Variants in ABHD12B observed in about 807,000 individuals in gnomAD.
ABHD12B encodes protein ABHD12B.
Under a neutral mutation model 50.4 loss-of-function variants are expected in ABHD12B, and 42 were observed. The observed-to-expected ratio is 0.83, with a 90% CI of 0.65 to 1.08. ABHD12B has a LOEUF of 1.08. Ranked by LOEUF, ABHD12B falls within the 50% of genes least tolerant of loss-of-function variation. The pLI is 0.00. For missense variants in ABHD12B, 479 were observed against 447.7 expected, an observed-to-expected ratio of 1.07 and a Z score of -0.63; for synonymous variants, 167 against 160.3, an observed-to-expected ratio of 1.04 and a Z score of -0.32.
chr14:50,877,397 TGGGGCTACA>T (rs1163918502), intron 1 of ABHD12B, among the ~76,000 whole-genome samples: 2 of 152,172 alleles, frequency 1.3e-5, no homozygotes, highest in African/African-American at 4.8e-5. Flanking sequence ...CAGCCTTCTA[TGGGGCTACA>T]GTAAGGGACC....
At chr14:50,880,350 A>C in intron 3 of ABHD12B, 102 bp from the exon 4 acceptor site, 1 of 1,221,648 alleles carries the variant, frequency 8.2e-7, no homozygotes, top group Non-Finnish European at 1.1e-6. Flanking sequence ...GTCGGATAAA[A>C]AATTAAAATA....
At chr14:50,882,728 G>A (rs8006072) in intron 5 of ABHD12B, among the ~76,000 whole-genome samples, 135,424 of 151,858 alleles carry the variant, frequency 0.89, 60,667 homozygotes, top group Middle Eastern at 0.98. Flanking sequence ...AGTGGTTCAC[G>A]CTTGCAGTAC....
At position 50,875,216 on chromosome 14, in the gene ABHD12B, C is replaced by G. The variant is rs188127654; in HGVS notation, c.105-2736C>G. Among the ~76,000 whole-genome samples, 219 of 152,272 alleles carry G rather than the reference C, an allele frequency of 1.4e-3. 1 individual carries two copies. The highest frequency in any genetic ancestry group is 3.7e-4 in the Non-Finnish European group (25 of 68,024). On this transcript the variant is annotated intron_variant, in intron 1 of 12. Transcript: ENST00000337334. ...AGAGGAGAGGTCACCATGGAATGAT[C>G]TCTCCAGGAGACTTTGACAAAAAAG...
Position 50,880,509 on chromosome 14 carries a change from T to A in ABHD12B, c.393T>A (p.Tyr131Ter), listed in dbSNP as rs768600574. 21 of 1,610,826 alleles carry A rather than the reference T, an allele frequency of 1.3e-5. No homozygotes were observed. The highest frequency in any genetic ancestry group is 1.8e-5 in the Non-Finnish European group (21 of 1,178,370). Residue 131 changes from tyrosine (Y) to a stop codon, truncating the protein, a stop_gained, in exon 4 of 13, where the codon TAT (tyrosine) becomes TAA (stop). Coordinates refer to ENST00000337334, the MANE Select transcript of ABHD12B (RefSeq NM_001206673.2). LOFTEE classifies it high-confidence loss of function. ...CCAAGGGGAAGGACTGTTGCTGGTA[T>A]GAAGCAGCCCTTCGTGATGGGAACC... ...EDAKGKDCCW[Y>*]EAALRDGNPI...
chr14:50,876,311 A>G (rs1288181205), intron 1 of ABHD12B, among the ~76,000 whole-genome samples: 1 of 152,222 alleles, frequency 6.6e-6, no homozygotes, highest in Non-Finnish European at 1.5e-5. Flanking sequence ...ACTGCTGGAA[A>G]TTCATCAGAG....
intron 9 of ABHD12B, chr14:50,895,689 G>C (rs1172543687): frequency 6.6e-6 from 1 of 152,152 alleles, no homozygotes; most frequent in Non-Finnish European, 1.5e-5. Context: ...GACCATCACA[G>C]ACGCCGAGCT....
At chr14:50,891,237 T>C (rs7140193) in intron 9 of ABHD12B, 146,308 of 152,018 alleles carry the variant, frequency 0.96, 70,590 homozygotes, top group Middle Eastern at 1. Flanking sequence ...TATGTCATGA[T>C]AAAGAGACGT....
rs574140832 is a variant in ABHD12B at position 50,877,958 on chromosome 14, T to C, written c.111T>C (p.Phe37=). Residue 37 remains phenylalanine, a synonymous_variant, in exon 2 of 13, where the codon TTT becomes TTC. Coordinates refer to ENST00000337334, the MANE Select transcript of ABHD12B (RefSeq NM_001206673.2). ...WDMVDRNLRY[F]PHSCSMLGRK... is the part of the protein sequence containing the mutation. ...GTTTCCCAATACCTTGCAGATATTTTCCACACTCCTGTTCAATGCTCGGAA... is the reference window on the plus strand; with the variant it reads ...GTTTCCCAATACCTTGCAGATATTTCCCACACTCCTGTTCAATGCTCGGAA... 1.2e-5 allele frequency: 18 copies of C among 1,520,826 alleles called. No individual in the cohort carries two copies. Among genetic ancestry groups the C allele is most frequent in the Non-Finnish European group, 1.6e-5 (18 of 1,141,228 alleles). 94.2% of individuals were successfully genotyped at this position (1,520,826 alleles called of 1,614,324 possible). A position where few individuals can be genotyped will look rare whatever the true frequency, so the allele number is the denominator to read the frequency against.
Position 50,878,095 on chromosome 14 carries a change from C to T in ABHD12B, c.232+16C>T, listed in dbSNP as rs922414750. On this transcript the variant is annotated intron_variant, in intron 2 of 12. Coordinates refer to ENST00000337334, the MANE Select transcript of ABHD12B (RefSeq NM_001206673.2). ...TTTAATTTTTGTAAGTATGGACCTT[C>T]CATAAATTTTCCTATATAATTTTTC... The T allele has an allele frequency of 2.5e-5, 38 of 1,501,930 alleles. No individual in the cohort carries two copies. Among genetic ancestry groups the T allele is most frequent in the Non-Finnish European group, 3.2e-5 (36 of 1,131,582 alleles). The allele number at this position is 1,501,930 out of a possible 1,614,324, so 93.0% of individuals were successfully genotyped here.
chr14:50,881,593 C>G lies in ABHD12B; in HGVS notation c.456-3C>G, dbSNP rs1289961299. 1 of 1,547,590 alleles carries G rather than the reference C, an allele frequency of 6.5e-7. No homozygotes were observed. The highest frequency in any genetic ancestry group is 8.8e-7 in the Non-Finnish European group (1 of 1,137,546). On this transcript the variant is annotated splice_polypyrimidine_tract_variant and splice_region_variant and intron_variant, in intron 4 of 12. Transcript: ENST00000337334. ...TTTTTTTTTTTTTAAACTTCCTTCA[C>G]AGGGCAGCTTCGCACAGACTGAAGC...
Position 50,904,449 on chromosome 14 carries a change from T to C in ABHD12B, c.*83T>C. 6.3e-7 allele frequency: 1 copy of C among 1,579,788 alleles called. No homozygotes were observed. Among genetic ancestry groups the C allele is most frequent in the Non-Finnish European group, 8.7e-7 (1 of 1,154,476 alleles). ...ATATTGTTCTAATGTAAAATTGTAC[T>C]GGGCTGGTCGGATGAGCTGAGGCCA... On this transcript the variant is annotated 3_prime_UTR_variant, in exon 13 of 13. Transcript: ENST00000337334.
At chr14:50,872,384 C>T (rs533733022) in intron 1 of ABHD12B, 106 bp downstream of exon 1, 13 of 821,572 alleles carry the variant, frequency 1.6e-5, no homozygotes, top group African/African-American at 5.4e-5. Context: ...CCTCTGCTGG[C>T]CCGGGCCCAA....
At chr14:50,882,770 A>G (rs61985544) in intron 5 of ABHD12B, among the ~76,000 whole-genome samples, 4,864 of 152,036 alleles carry the variant, frequency 0.032, 203 homozygotes, top group East Asian at 0.14. Context: ...CCTGGAGTTC[A>G]AGACCAGGGT....
chr14:50,888,988 A>C, intron 9 of ABHD12B, 85 bp downstream of exon 9: 2 of 1,061,544 alleles, frequency 1.9e-6, no homozygotes, highest in South Asian at 3.3e-5. Flanking sequence ...TATGTTTATT[A>C]ACAGTCTTCC....
intron 8 of ABHD12B, among the ~76,000 whole-genome samples, chr14:50,888,091 C>G (rs1276479129): frequency 6.6e-6 from 1 of 152,176 alleles, no homozygotes; most frequent in Non-Finnish European, 1.5e-5. Context: ...CACATCTTTT[C>G]TAATTGTTCT....
chr14:50,895,578 C>T (rs957586767), intron 9 of ABHD12B: 6 of 152,154 alleles, frequency 3.9e-5, no homozygotes, highest in African/African-American at 1.2e-4. Flanking sequence ...TCCCAGAGCC[C>T]CTGGAACTCT....
chr14:50,886,772 A>T, intron 8 of ABHD12B, 88 bp downstream of exon 8: 1 of 1,276,670 alleles, frequency 7.8e-7, no homozygotes. Context: ...CACTTTGAAC[A>T]TATAGACACC....
chr14:50,872,249 C>G lies in ABHD12B; in HGVS notation c.75C>G (p.Ala25=). ...PGPPARSCVA[A]WWDMVDRNLR... is the part of the protein sequence containing the mutation. ...CCCCAGCCCGTAGCTGCGTGGCCGC[C>G]TGGTGGGACATGGTCGACCGCAACC... The change falls in exon 1 of 13, where the codon GCC becomes GCG. Residue 25 remains alanine, a synonymous_variant. Transcript: ENST00000337334. 1 of 1,392,624 alleles carries G rather than the reference C, an allele frequency of 7.2e-7. No homozygotes were observed. Among genetic ancestry groups the G allele is most frequent in the Non-Finnish European group, 9.3e-7 (1 of 1,070,782 alleles). 86.3% of individuals were successfully genotyped at this position (1,392,624 alleles called of 1,614,324 possible).
At chr14:50,872,485 C>T (rs1431409913) in intron 1 of ABHD12B, among the ~76,000 whole-genome samples, 2 of 152,224 alleles carry the variant, frequency 1.3e-5, no homozygotes, top group Non-Finnish European at 2.9e-5. Flanking sequence ...GCCTCAATCC[C>T]AACCTGGACC....
Sources: gnomAD v4.1 joint callset for allele counts (sites outside exome capture counted in the v4.1 genomes callset) on GRCh38, gnomAD v4.1.1 for gene constraint, MANE v1.5 for transcripts, NCBI Gene and HGNC (gene_info 2026-07-23, HGNC 2026-07-21) for gene names.